The following MLIP variants were observed in gnomAD, a reference collection of about 807,000 sequenced individuals.
The protein encoded by MLIP is muscular LMNA-interacting protein.
Under a neutral mutation model 84.8 loss-of-function variants are expected in MLIP, and 79 were observed. The observed-to-expected ratio is 0.93, with a 90% CI of 0.78 to 1.12. The LOEUF (loss-of-function observed/expected upper bound fraction) is 1.12, where lower values mean the gene tolerates loss of function less well. Ranked by LOEUF, MLIP falls within the 50% of genes most tolerant of loss-of-function variation. MLIP has a pLI of 0.00. For synonymous variants in MLIP, 504 were observed against 463.0 expected (o/e 1.09, Z -1.14); for missense variants, 1,257 against 1,160.6 (o/e 1.08, Z -1.21).
At chr6:54,239,963 G>A (rs1781625477) in intron 12 of MLIP, among the ~76,000 whole-genome samples, 1 of 152,088 alleles carries the variant, frequency 6.6e-6, no homozygotes, top group African/African-American at 2.4e-5. Flanking sequence ...TAAGCATAAA[G>A]TCACTCTACT....
At chr6:54,083,461 A>G in intron 1 of MLIP, 1 of 1,526,128 alleles carries the variant, frequency 6.6e-7, no homozygotes, top group Non-Finnish European at 8.8e-7. Flanking sequence ...TTTGCAGCTC[A>G]TCAATATCAG....
chr6:54,239,536 T>C (rs1781591026), intron 12 of MLIP, among the ~76,000 whole-genome samples: 1 of 150,972 alleles, frequency 6.6e-6, no homozygotes. Context: ...TTTGGGAGGC[T>C]GAGGTATGCC....
intron 1 of MLIP, among the ~76,000 whole-genome samples, chr6:54,114,872 T>C (rs1004302445): frequency 6.6e-6 from 1 of 152,148 alleles, no homozygotes; most frequent in Non-Finnish European, 1.5e-5. Context: ...AGGAGCATAG[T>C]AGTAGGACTG....
intron 13 of MLIP, among the ~76,000 whole-genome samples, chr6:54,260,711 T>G (rs1346289790): frequency 2.0e-5 from 3 of 152,000 alleles, no homozygotes; most frequent in Non-Finnish European, 2.9e-5. Flanking sequence ...GTGCTTTAAT[T>G]TGTGGTAGAT....
intron 1 of MLIP, among the ~76,000 whole-genome samples, chr6:54,096,913 A>T (rs774806349): frequency 8.5e-5 from 13 of 152,120 alleles, no homozygotes; most frequent in Non-Finnish European, 1.6e-4. Context: ...GAGCACTTCA[A>T]ACATTAGAGA....
upstream of MLIP, among the ~76,000 whole-genome samples, chr6:54,111,107 C>G (rs1298499735): frequency 6.6e-6 from 1 of 152,244 alleles, no homozygotes; most frequent in Non-Finnish European, 1.5e-5. Context: ...TAGCGCCCTT[C>G]AATCAGCTTC....
intron 11 of MLIP, among the ~76,000 whole-genome samples, chr6:54,212,881 C>T (rs1417389): frequency 0.69 from 104,439 of 152,072 alleles, 38,559 homozygotes; most frequent in Non-Finnish European, 0.81. Flanking sequence ...CTTAAGTTAC[C>T]TTTTATTTCT....
chr6:54,136,812 T>G lies in MLIP; in HGVS notation c.743T>G (p.Val248Gly). ...AATCCGAACACACCACCCGACCCAG[T>G]TAACCTCGAGGGAGCCTCTGTCCTA... ...PTNPNTPPDP[V>G]NLEGASVLEE... The change falls in exon 4 of 14, where the codon GTT becomes GGT. Residue 248 changes from valine to glycine, a missense_variant. Physicochemically the swap from Val to Gly is moderately radical, Grantham distance 109. Coordinates refer to ENST00000502396, the MANE Select transcript of MLIP (RefSeq NM_001281747.2). 6.5e-7 allele frequency: 1 copy of G among 1,530,160 alleles called. No homozygotes were observed. Among genetic ancestry groups the G allele is most frequent in the South Asian group, 1.2e-5 (1 of 83,970 alleles). The allele number at this position is 1,530,160 out of a possible 1,614,324, so 94.8% of individuals were successfully genotyped here. A position where few individuals can be genotyped will look rare whatever the true frequency, so the allele number is the denominator to read the frequency against.
At chr6:54,168,736 T>C (rs887091929) in intron 8 of MLIP, among the ~76,000 whole-genome samples, 7 of 151,816 alleles carry the variant, frequency 4.6e-5, no homozygotes, top group African/African-American at 1.7e-4. Context: ...AAATTGATAA[T>C]TGTTAATTTA....
At chr6:54,055,787 A>C (rs2150323730) in intron 1 of MLIP, among the ~76,000 whole-genome samples, 1 of 152,308 alleles carries the variant, frequency 6.6e-6, no homozygotes, top group South Asian at 2.1e-4. Flanking sequence ...ATTTATAATA[A>C]GGTGATCAGG....
At chr6:54,078,627 G>C (rs1037719699) in intron 1 of MLIP, among the ~76,000 whole-genome samples, 1 of 151,888 alleles carries the variant, frequency 6.6e-6, no homozygotes, top group Non-Finnish European at 1.5e-5. Context: ...TAAAAATATA[G>C]GAGGCACAAT....
At chr6:54,027,757 G>A (rs1345111756) in intron 1 of MLIP, among the ~76,000 whole-genome samples, 1 of 152,210 alleles carries the variant, frequency 6.6e-6, no homozygotes, top group African/African-American at 2.4e-5. Flanking sequence ...AGTTCTCGAA[G>A]CCATCCAGCC....
intron 1 of MLIP, among the ~76,000 whole-genome samples, chr6:54,054,220 C>T (rs1315578053): frequency 6.6e-6 from 1 of 152,176 alleles, no homozygotes; most frequent in Admixed American, 6.5e-5. Flanking sequence ...CACACTGAGT[C>T]ATGCAGTAAG....
At chr6:54,263,650 T>A (rs544362908) in intron 13 of MLIP, among the ~76,000 whole-genome samples, 18 of 152,170 alleles carry the variant, frequency 1.2e-4, no homozygotes, top group African/African-American at 4.3e-4. Flanking sequence ...TTTTAAAAAA[T>A]GCTTTCTGTA....
chr6:54,165,777 C>T (rs925603379), intron 8 of MLIP, among the ~76,000 whole-genome samples: 1 of 151,764 alleles, frequency 6.6e-6, no homozygotes, highest in African/African-American at 2.4e-5. Context: ...TATTTGTGCC[C>T]CACCCACCCA....
At chr6:54,243,230 C>T (rs1781855772) in intron 12 of MLIP, among the ~76,000 whole-genome samples, 1 of 152,164 alleles carries the variant, frequency 6.6e-6, no homozygotes, top group Non-Finnish European at 1.5e-5. Flanking sequence ...GGTGTTGAAT[C>T]TGAGGCCTGA....
At position 54,255,933 on chromosome 6, in the gene MLIP, C is replaced by T. The variant is rs556933961; in HGVS notation, c.2923-1375C>T. The stretch of plus-strand genomic sequence containing the variant: ...ACTGTGCTATTTCCAGGATAAATCA[C>T]TTGGGTTTGAAGTTTGAAGCAGTAC... On this transcript the variant is annotated intron_variant, in intron 12 of 13. Coordinates refer to ENST00000502396, the MANE Select transcript of MLIP (RefSeq NM_001281747.2). 2.0e-5 allele frequency among the ~76,000 whole-genome samples: 3 copies of T among 152,234 alleles called. No individual in the cohort carries two copies. The South Asian group carries it at 6.2e-4, about 32-fold the overall frequency.
intron 2 of MLIP, 104 bp downstream of exon 2, chr6:54,121,706 C>T (rs1221591860): frequency 1.5e-5 from 12 of 812,734 alleles, no homozygotes; most frequent in Admixed American, 6.3e-5. Context: ...ATTAAGGTGA[C>T]TGTGACTCTA....
intron 10 of MLIP, among the ~76,000 whole-genome samples, chr6:54,190,518 G>A (rs543655157): frequency 6.6e-5 from 10 of 151,888 alleles, no homozygotes; most frequent in African/African-American, 2.4e-4. Flanking sequence ...TATAAAAATT[G>A]AGATATTTTT....
Sources: gnomAD v4.1 joint callset for allele counts (sites outside exome capture counted in the v4.1 genomes callset) on GRCh38, gnomAD v4.1.1 for gene constraint, MANE v1.5 for transcripts, NCBI Gene and HGNC (gene_info 2026-07-23, HGNC 2026-07-21) for gene names.